GREB1: variants seen among roughly 807,000 people sequenced by gnomAD.
GREB1 encodes growth regulating estrogen receptor binding 1.
GREB1 carries 106 observed loss-of-function variants against 200.7 expected under a neutral mutation model. The ratio of observed to expected loss-of-function variants is 0.53; its 90% CI spans 0.45 to 0.62. The LOEUF (loss-of-function observed/expected upper bound fraction) is 0.62. Ranked by LOEUF, GREB1 falls within the 20% of genes least tolerant of loss-of-function variation. The pLI is 0.00. For missense variants in GREB1, 2,243 were observed against 2,556.8 expected (o/e 0.88, Z 2.65); for synonymous variants, 1,132 against 1,092.4 (o/e 1.04, Z -0.72).
chr2:11,593,091 G>A lies in GREB1; in HGVS notation c.1661G>A (p.Arg554His), dbSNP rs773381930. Residue 554 changes from arginine to histidine, a missense_variant, in exon 11 of 33, where the codon CGC becomes CAC. By Grantham distance (29) the Arg-to-His change is conservative. Transcript: ENST00000381486. ...TACGTGGTCATCATCTGCGCCTGCCGCAGCGCGGCCATCGACTCCTGCATC... is the reference window on the plus strand; with the variant it reads ...TACGTGGTCATCATCTGCGCCTGCCACAGCGCGGCCATCGACTCCTGCATC... ...TNYVVIICAC[R>H]SAAIDSCIAV... 3.1e-6 allele frequency: 5 copies of A among 1,609,148 alleles called. No homozygotes were observed. Among genetic ancestry groups the A allele is most frequent in the East Asian group, 2.2e-5 (1 of 44,716 alleles).
chr2:11,636,917 GGGGCAGGGACAGAGGCAGGGTCAT>G (rs1685397337), intron 30 of GREB1, among the ~76,000 whole-genome samples: 1 of 121,182 alleles, frequency 8.3e-6, no homozygotes, highest in Non-Finnish European at 1.9e-5. Flanking sequence ...GGTAGAGGCA[GGGGCAGGGACAGAGGCAGGGTCAT>G]GGGCAGGGAC....
Position 11,618,471 on chromosome 2 carries a change from AG to A in GREB1, c.3597del (p.Gln1199HisfsTer51). 1 of 1,607,376 alleles carries A rather than the reference AG, an allele frequency of 6.2e-7. No homozygotes were observed. Among genetic ancestry groups the A allele is most frequent in the Non-Finnish European group, 8.5e-7 (1 of 1,177,690 alleles). ...ISRHSPGPTP[Q>X]PDCSLRTGQR... ...AGGCACAGTCCCGGGCCGACGCCCC[AG>A]CCCGACTGTAGCCTCAGGACCGGCC... On this transcript the variant is annotated frameshift_variant, in exon 22 of 33. Coordinates refer to ENST00000381486, the MANE Select transcript of GREB1 (RefSeq NM_014668.4). LOFTEE classifies it high-confidence loss of function.
intron 11 of GREB1, among the ~76,000 whole-genome samples, chr2:11,593,882 A>G (rs1680972249): frequency 6.6e-6 from 1 of 152,184 alleles, no homozygotes; most frequent in African/African-American, 2.4e-5. Flanking sequence ...GTGTTCTTTT[A>G]GGTGGGGGAG....
chr2:11,519,534 C>A (rs1012648051), intron 1 of GREB1, among the ~76,000 whole-genome samples: 6 of 143,678 alleles, frequency 4.2e-5, no homozygotes, highest in African/African-American at 1.6e-4. Context: ...CGGCTCACTG[C>A]AACCTCTACC....
In GREB1 at chr2:11,566,566, G is replaced by C. The variant is rs756859519; in HGVS notation, c.364G>C (p.Val122Leu). 33 of 1,613,906 alleles carry C rather than the reference G, an allele frequency of 2.0e-5. No individual in the cohort carries two copies. Among genetic ancestry groups the C allele is most frequent in the Non-Finnish European group, 2.5e-5 (29 of 1,179,986 alleles). ...DVPAGFLLVG[V>L]KSPSLPDHLL... The stretch of plus-strand genomic sequence containing the variant: ...CCCTGCGGGCTTTCTCCTCGTGGGG[G>C]TCAAGTCCCCCAGCCTGCCGGACCA... The change falls in exon 4 of 33, where the codon GTC (valine) becomes CTC (leucine). Residue 122 changes from valine to leucine, a missense_variant. Around this residue, in one of 3 missense-constraint regions of GREB1, gnomAD observed 1,178 missense variants for 1,387.4 expected, o/e 0.85. Coordinates refer to ENST00000381486, the MANE Select transcript of GREB1 (RefSeq NM_014668.4).
intron 1 of GREB1, among the ~76,000 whole-genome samples, chr2:11,504,642 G>T (rs1293238026): frequency 6.6e-6 from 1 of 152,176 alleles, no homozygotes; most frequent in Non-Finnish European, 1.5e-5. Flanking sequence ...TTCACCTAGT[G>T]TAATGTTTTC....
Position 11,492,071 on chromosome 2 carries a change from C to T in GREB1, c.-159+9690C>T, listed in dbSNP as rs190810595. Among the ~76,000 whole-genome samples, 355 of 152,280 alleles carry T rather than the reference C, an allele frequency of 2.3e-3. 3 individuals are homozygous for T. The highest frequency in any genetic ancestry group is 8.2e-3 in the African/African-American group (342 of 41,560). On this transcript the variant is annotated intron_variant, in intron 1 of 2. Coordinates refer to the GREB1 transcript ENST00000628795. The surrounding 1 kb of genome is among the most constrained non-coding windows in gnomAD (Gnocchi z 4.0). ...GTGCTATTGATTTCACGGTCCTCTTCCCTGGATTCCCCATGGCTCTTCCAG... is the reference window on the plus strand; with the variant it reads ...GTGCTATTGATTTCACGGTCCTCTTTCCTGGATTCCCCATGGCTCTTCCAG...
At position 11,486,438 on chromosome 2, in the gene GREB1, C is replaced by G. The variant is rs189415762; in HGVS notation, c.-159+4057C>G. Reference sequence around the variant, plus strand: ...CCTAGAGCACTGGGATTATAGGCAACCTCGCCCAGCCTAATTGTAGTACTT... The same window carrying G: ...CCTAGAGCACTGGGATTATAGGCAAGCTCGCCCAGCCTAATTGTAGTACTT... On this transcript the variant is annotated intron_variant, in intron 1 of 2. Coordinates refer to the GREB1 transcript ENST00000628795. Among the ~76,000 whole-genome samples, 547 of 152,166 alleles carry G rather than the reference C, an allele frequency of 3.6e-3. 2 individuals are homozygous for G. Among genetic ancestry groups the G allele is most frequent in the African/African-American group, 0.013 (531 of 41,510 alleles).
intron 3 of GREB1, chr2:11,563,286 A>G (rs1677273993): frequency 6.6e-6 from 1 of 152,334 alleles, no homozygotes; most frequent in African/African-American, 2.4e-5. Flanking sequence ...ATAATCTTTC[A>G]TACCCATCAG....
intron 17 of GREB1, among the ~76,000 whole-genome samples, chr2:11,609,779 A>G (rs1682750031): frequency 6.6e-6 from 1 of 152,210 alleles, no homozygotes; most frequent in African/African-American, 2.4e-5. Flanking sequence ...GTGCTGTAGG[A>G]AGGCGAGCTG....
chr2:11,497,365 T>C (rs1056787913), intron 1 of GREB1, among the ~76,000 whole-genome samples: 1 of 152,228 alleles, frequency 6.6e-6, no homozygotes. Flanking sequence ...TGTTGAACCA[T>C]GAACTTGTTG....
At chr2:11,636,866 G>T (rs1685388306) in intron 30 of GREB1, among the ~76,000 whole-genome samples, 1 of 147,380 alleles carries the variant, frequency 6.8e-6, no homozygotes, top group African/African-American at 2.5e-5. Context: ...AGGGGCAGAG[G>T]CAAGGACAGA....
intron 15 of GREB1, among the ~76,000 whole-genome samples, chr2:11,599,242 G>A (rs10929760): frequency 5.9e-5 from 9 of 152,040 alleles, no homozygotes; most frequent in South Asian, 2.1e-4. Flanking sequence ...GGTGCGGAGG[G>A]TCCTAGCAGG....
chr2:11,527,291 C>T (rs567612807), intron 1 of GREB1, among the ~76,000 whole-genome samples: 1 of 152,278 alleles, frequency 6.6e-6, no homozygotes, highest in African/African-American at 2.4e-5. Context: ...AGAGGCATGT[C>T]ACTTCTTCAA....
chr2:11,493,853 G>A lies in GREB1; in HGVS notation c.-159+11472G>A, dbSNP rs1001785379. ...AATTTGTAAACTCCAGAGATGTAAG[G>A]TATTGCTGTTATCCTTACAAATGGC... On this transcript the variant is annotated intron_variant, in intron 1 of 2. Transcript: ENST00000628795. This position sits in a 1 kb window ranked among gnomAD's most constrained non-coding sequence, Gnocchi z 4.6. Among the ~76,000 whole-genome samples, 1 of 152,160 alleles carries A rather than the reference G, an allele frequency of 6.6e-6. No homozygotes were observed. Among genetic ancestry groups the A allele is most frequent in the Non-Finnish European group, 1.5e-5 (1 of 68,034 alleles).
chr2:11,625,102 AATC>A lies in GREB1; in HGVS notation c.4148-49_4148-47del. 3.5e-6 allele frequency: 5 copies of A among 1,425,330 alleles called. No homozygotes were observed. The South Asian group carries it at 5.8e-5, about 17-fold the overall frequency. The allele number at this position is 1,425,330 out of a possible 1,614,324, so 88.3% of individuals were successfully genotyped here. On this transcript the variant is annotated intron_variant, in intron 23 of 32. Transcript: ENST00000381486. ...TGTTGTTTAGCGACACATGACTGTAAATCATTTTCACTTCCTATTTTGTCACAT... is the reference window on the plus strand; with the variant it reads ...TGTTGTTTAGCGACACATGACTGTAAATTTTCACTTCCTATTTTGTCACAT...
intron 4 of GREB1, among the ~76,000 whole-genome samples, chr2:11,567,259 G>A (rs541044592): frequency 4.6e-5 from 7 of 152,252 alleles, no homozygotes; most frequent in African/African-American, 1.7e-4. Context: ...CAAATAGCTG[G>A]TATTACAGGT....
intron 1 of GREB1, among the ~76,000 whole-genome samples, chr2:11,552,739 C>T (rs10929755): frequency 0.019 from 2,945 of 151,982 alleles, 119 homozygotes; most frequent in East Asian, 0.16. Flanking sequence ...TGGCCGGGCG[C>T]GGTGGCTCAC....
At chr2:11,534,298 A>G (rs1674191218) in intron 1 of GREB1, 44 bp downstream of exon 1, 1 of 152,186 alleles carries the variant, frequency 6.6e-6, no homozygotes, top group South Asian at 2.1e-4. Flanking sequence ...CGCCTTTTGT[A>G]TATTCTCAAG....
Sources: allele counts gnomAD v4.1 joint callset (sites outside exome capture counted in the v4.1 genomes callset), GRCh38; gene constraint gnomAD v4.1.1; regional missense constraint gnomAD v4.1.1; non-coding constraint Gnocchi (gnomAD v3.1); transcripts MANE v1.5; gene names NCBI Gene and HGNC (gene_info 2026-07-23, HGNC 2026-07-21).